SND1: variants seen among roughly 807,000 people sequenced by gnomAD.
The protein encoded by SND1 is staphylococcal nuclease and tudor domain containing 1.
In SND1, 38 loss-of-function variants were observed where a neutral mutation model predicts 121.7. That is an observed-to-expected ratio of 0.31 (90% CI 0.24 to 0.41). The LOEUF is 0.41. Ranked by LOEUF, SND1 falls within the 10% of genes least tolerant of loss-of-function variation. SND1 has a pLI of 1.00. For synonymous variants in SND1, 401 were observed against 447.4 expected (o/e 0.90, Z 1.31); for missense variants, 868 against 1,184.6 (o/e 0.73, Z 3.92).
Position 127,774,601 on chromosome 7 carries a change from C to T in SND1, c.1153-32883C>T, listed in dbSNP as rs1203311334. 7.5e-5 allele frequency among the ~76,000 whole-genome samples: 11 copies of T among 146,922 alleles called. No individual in the cohort carries two copies. The South Asian group carries it at 1.9e-3, about 26-fold the overall frequency. On this transcript the variant is annotated intron_variant, in intron 10 of 23. Coordinates refer to ENST00000354725, the MANE Select transcript of SND1 (RefSeq NM_014390.4). ...TATCATTTTTTTTTTTTTTTTGAGACGGAGTCTTTCTCTGTCGCCCAGGCT... is the reference window on the plus strand; with the variant it reads ...TATCATTTTTTTTTTTTTTTTGAGATGGAGTCTTTCTCTGTCGCCCAGGCT...
At chr7:127,957,483 T>A (rs1026409492) in intron 15 of SND1, among the ~76,000 whole-genome samples, 15 of 152,214 alleles carry the variant, frequency 9.9e-5, no homozygotes, top group Non-Finnish European at 1.9e-4. Flanking sequence ...TATGACCTCC[T>A]GAGTTTCAGT....
intron 15 of SND1, among the ~76,000 whole-genome samples, chr7:127,929,886 G>A (rs1279961916): frequency 1.3e-5 from 2 of 152,148 alleles, no homozygotes; most frequent in Admixed American, 1.3e-4. Flanking sequence ...ACGTGCTAAG[G>A]CAAAGATGCT....
chr7:127,793,421 G>A (rs1284682228), intron 10 of SND1, among the ~76,000 whole-genome samples: 1 of 152,176 alleles, frequency 6.6e-6, no homozygotes, highest in African/African-American at 2.4e-5. Flanking sequence ...TATGTTTAAT[G>A]TGCAAGCAGA....
At chr7:127,898,249 A>G (rs1476042113) in intron 13 of SND1, among the ~76,000 whole-genome samples, 1 of 151,988 alleles carries the variant, frequency 6.6e-6, no homozygotes, top group African/African-American at 2.4e-5. Context: ...TATTTGCTTC[A>G]CTGCCTCATA....
At chr7:127,972,120 AT>A (rs1802005124) in intron 15 of SND1, among the ~76,000 whole-genome samples, 2 of 152,218 alleles carry the variant, frequency 1.3e-5, no homozygotes, top group South Asian at 2.1e-4. Flanking sequence ...AGTAAACACC[AT>A]ACATGAAGAT....
chr7:127,808,149 T>C (rs1798269725), intron 11 of SND1, among the ~76,000 whole-genome samples: 1 of 149,652 alleles, frequency 6.7e-6, no homozygotes, highest in East Asian at 1.9e-4. Context: ...GATTTTTGTG[T>C]AGCTTGATGG....
chr7:127,954,240 C>G (rs1283390292), intron 15 of SND1, among the ~76,000 whole-genome samples: 1 of 152,126 alleles, frequency 6.6e-6, no homozygotes, highest in Non-Finnish European at 1.5e-5. Flanking sequence ...AAAAGCCCAC[C>G]TTCATTAAGC....
rs546524840 is a variant in SND1, at chr7:127,676,380, A to G, written c.79-10233A>G. Among the ~76,000 whole-genome samples the G allele has an allele frequency of 1.5e-3, 225 of 152,306 alleles. 9 individuals are homozygous for G. The South Asian group carries it at 0.044, about 30-fold the overall frequency. On this transcript the variant is annotated intron_variant, in intron 1 of 23. Coordinates refer to ENST00000354725, the MANE Select transcript of SND1 (RefSeq NM_014390.4). ...ATAATACAAATAACCCAGAGGAGAT[A>G]GTGGTATTATCTTTACTTATAGATG...
At chr7:127,690,374 A>G (rs984005344) in intron 2 of SND1, among the ~76,000 whole-genome samples, 1 of 152,184 alleles carries the variant, frequency 6.6e-6, no homozygotes, top group Non-Finnish European at 1.5e-5. Flanking sequence ...GTCTTCCTAC[A>G]GGCTGGGGTC....
At chr7:127,931,732 A>G (rs980454443) in intron 15 of SND1, among the ~76,000 whole-genome samples, 2 of 152,180 alleles carry the variant, frequency 1.3e-5, no homozygotes, top group African/African-American at 2.4e-5. Context: ...AGTTAAAGCC[A>G]TTGCTCATTG....
chr7:127,769,204 G>C (rs1360932609), intron 10 of SND1, among the ~76,000 whole-genome samples: 3 of 152,084 alleles, frequency 2.0e-5, no homozygotes, highest in Non-Finnish European at 2.9e-5. Flanking sequence ...GGTCAAGAGA[G>C]GGCTTGGGTT....
At chr7:127,764,038 CA>C (rs60053474) in intron 10 of SND1, among the ~76,000 whole-genome samples, 59 of 76,484 alleles carry the variant, frequency 7.7e-4, no homozygotes, top group Non-Finnish European at 1.1e-3. Flanking sequence ...GACCCTGTCG[CA>C]AAAAAAAAAA....
chr7:127,703,410 A>G, intron 7 of SND1, 87 bp downstream of exon 7: 1 of 1,463,022 alleles, frequency 6.8e-7, no homozygotes, highest in South Asian at 1.3e-5. Flanking sequence ...CTTTCTCTGT[A>G]TTTAACATCC....
rs1562978357 is a variant in SND1, at chr7:127,686,635, T to C, written c.101T>C (p.Ile34Thr). The C allele has an allele frequency of 2.5e-6, 4 of 1,614,112 alleles. No individual in the cohort carries two copies. Among genetic ancestry groups the C allele is most frequent in the Non-Finnish European group, 3.4e-6 (4 of 1,179,952 alleles). The change falls in exon 2 of 24, where the codon ATT becomes ACT. Residue 34 changes from isoleucine to threonine, a missense_variant. Ile to Thr is a moderately conservative substitution (Grantham distance 89). Transcript: ENST00000354725. ...IKMVLSGCAI[I>T]VRGQPRGGPP... ...TAGGTCCTCTCAGGGTGCGCCATCA[T>C]TGTCCGAGGTCAGCCTCGTGGTGGG...
chr7:127,683,511 C>T (rs552513364), intron 1 of SND1, among the ~76,000 whole-genome samples: 3 of 152,152 alleles, frequency 2.0e-5, no homozygotes, highest in Non-Finnish European at 4.4e-5. Context: ...GCCATTGCAC[C>T]CAGCCTGTAG....
intron 10 of SND1, among the ~76,000 whole-genome samples, chr7:127,795,961 C>T (rs905845412): frequency 2.0e-5 from 3 of 151,952 alleles, no homozygotes; most frequent in African/African-American, 7.3e-5. Flanking sequence ...GGGTTCACGC[C>T]ATTGTCCTGC....
At chr7:127,876,050 A>C (rs1799683240) in intron 12 of SND1, among the ~76,000 whole-genome samples, 1 of 152,132 alleles carries the variant, frequency 6.6e-6, no homozygotes, top group Non-Finnish European at 1.5e-5. Context: ...CAGCGTTTAG[A>C]ATAGTGCTCA....
intron 1 of SND1, among the ~76,000 whole-genome samples, chr7:127,674,131 TC>T (rs1336071836): frequency 6.6e-6 from 1 of 151,658 alleles, no homozygotes; most frequent in East Asian, 1.9e-4. Context: ...CCTGCCTTCC[TC>T]CCTCCCTTCC....
At chr7:127,687,989 C>G (rs1428416058) in intron 2 of SND1, among the ~76,000 whole-genome samples, 1 of 152,092 alleles carries the variant, frequency 6.6e-6, no homozygotes, top group Non-Finnish European at 1.5e-5. Flanking sequence ...CTGGCCTATT[C>G]CAGATTCTTA....
Sources: gnomAD v4.1 joint callset for allele counts (sites outside exome capture counted in the v4.1 genomes callset) on GRCh38, gnomAD v4.1.1 for gene constraint, MANE v1.5 for transcripts, NCBI Gene and HGNC (gene_info 2026-07-23, HGNC 2026-07-21) for gene names.